IQCE: variants seen among roughly 807,000 people sequenced by gnomAD.
IQCE encodes the protein IQ motif containing E.
IQCE carries 115 observed loss-of-function variants against 96.0 expected under a neutral mutation model. The observed-to-expected ratio is 1.20, with a 90% CI of 1.03 to 1.40. The LOEUF (loss-of-function observed/expected upper bound fraction) is 1.40, where lower values mean the gene tolerates loss of function less well. Among genes scored for constraint, IQCE ranks in the 40% most tolerant of loss-of-function variants. The pLI is 0.00. For missense variants in IQCE, 1,041 were observed against 909.1 expected, an observed-to-expected ratio of 1.15 and a Z score of -1.87; for synonymous variants, 412 against 371.2, an observed-to-expected ratio of 1.11 and a Z score of -1.26.
At chr7:2,602,251 G>A (rs1261368390) in intron 18 of IQCE, among the ~76,000 whole-genome samples, 1 of 152,224 alleles carries the variant, frequency 6.6e-6, no homozygotes, top group Non-Finnish European at 1.5e-5. Context: ...AGTCTGAGAC[G>A]GGGCCAGGGC....
At chr7:2,604,145 G>A (rs962728874) in intron 18 of IQCE, among the ~76,000 whole-genome samples, 9 of 150,898 alleles carry the variant, frequency 6.0e-5, no homozygotes, top group South Asian at 2.1e-4. Context: ...TGCGCGCCAC[G>A]TCTGGCTAAT....
At chr7:2,589,770 A>T (rs1022222826) in intron 13 of IQCE, 137 bp from the exon 14 acceptor site, 8 of 740,540 alleles carry the variant, frequency 1.1e-5, no homozygotes, top group Non-Finnish European at 1.8e-5. Flanking sequence ...TCTCTGGGTA[A>T]CTCGGGTCCC....
intron 6 of IQCE, among the ~76,000 whole-genome samples, chr7:2,576,516 C>T (rs1782135159): frequency 6.6e-6 from 1 of 152,072 alleles, no homozygotes; most frequent in African/African-American, 2.4e-5. Context: ...GTTCAAGCCT[C>T]AGCCTCCCAA....
chr7:2,578,125 G>A, intron 6 of IQCE, 117 bp from the exon 7 acceptor site: 2 of 739,120 alleles, frequency 2.7e-6, no homozygotes, highest in Non-Finnish European at 4.6e-6. Context: ...TGTGCGCGTG[G>A]GGACGTGTGT....
chr7:2,600,508 C>T (rs1167027378), intron 17 of IQCE, among the ~76,000 whole-genome samples: 2 of 152,232 alleles, frequency 1.3e-5, no homozygotes, highest in African/African-American at 4.8e-5. Flanking sequence ...CAGCTGTCTC[C>T]GTCTGAAAAG....
intron 16 of IQCE, chr7:2,596,883 G>A: frequency 2.3e-6 from 1 of 439,648 alleles, no homozygotes; most frequent in South Asian, 1.6e-5. Flanking sequence ...CTGGTGCCAA[G>A]CAACTTGTTG....
At chr7:2,588,736 C>T (rs2128457215) in intron 13 of IQCE, among the ~76,000 whole-genome samples, 1 of 134,238 alleles carries the variant, frequency 7.4e-6, no homozygotes, top group Admixed American at 8.5e-5. Context: ...GTAATCTCGG[C>T]TCACTGCAAC....
intron 15 of IQCE, among the ~76,000 whole-genome samples, chr7:2,594,147 C>A (rs186802833): frequency 6.6e-6 from 1 of 152,282 alleles, no homozygotes; most frequent in East Asian, 1.9e-4. Context: ...GTAATCCCAG[C>A]TACTTGGGAG....
chr7:2,566,628 T>G (rs1583391186), intron 1 of IQCE: 1 of 173,652 alleles, frequency 5.8e-6, no homozygotes, highest in East Asian at 1.6e-4. Context: ...GCCTGGCTTA[T>G]TTTTTAAATT....
chr7:2,596,925 T>A (rs1234598088), intron 16 of IQCE: 3 of 463,816 alleles, frequency 6.5e-6, no homozygotes, highest in African/African-American at 6.0e-5. Context: ...AACAGCTGGC[T>A]GTGTGGATGT....
chr7:2,574,650 G>A lies in IQCE; in HGVS notation c.465+1162G>A, dbSNP rs867213919. Among the ~76,000 whole-genome samples, 5 of 152,324 alleles carry A rather than the reference G, an allele frequency of 3.3e-5. 1 individual carries two copies. In the Middle Eastern group the frequency reaches 0.017, roughly 518 times the overall value. The stretch of plus-strand genomic sequence containing the variant: ...TCGTTTGGGATTTTCTCAGTCTCTT[G>A]AATCTATAGGTTTGTCTTTTGTTAA... On this transcript the variant is annotated intron_variant, in intron 6 of 21. Coordinates refer to ENST00000402050, the MANE Select transcript of IQCE (RefSeq NM_152558.5).
intron 18 of IQCE, among the ~76,000 whole-genome samples, chr7:2,603,028 C>T (rs892387173): frequency 2.0e-5 from 3 of 152,218 alleles, no homozygotes; most frequent in Admixed American, 1.3e-4. Flanking sequence ...GCAGCCCCTC[C>T]GTGCCTGGCC....
intron 16 of IQCE, among the ~76,000 whole-genome samples, chr7:2,595,240 T>C (rs184165751): frequency 6.6e-6 from 1 of 152,308 alleles, no homozygotes; most frequent in Non-Finnish European, 1.5e-5. Context: ...ATCTTGGTCA[T>C]GCGGAGGGTG....
chr7:2,602,006 C>G (rs1289397050), intron 18 of IQCE: 2 of 160,992 alleles, frequency 1.2e-5, no homozygotes, highest in Non-Finnish European at 2.7e-5. Flanking sequence ...TGCACACTCA[C>G]TGATCACCAG....
chr7:2,568,444 C>A (rs1781535854), intron 2 of IQCE, among the ~76,000 whole-genome samples: 1 of 152,126 alleles, frequency 6.6e-6, no homozygotes, highest in African/African-American at 2.4e-5. Context: ...AGATCTGGAC[C>A]CCGTTCTGTG....
At chr7:2,608,774 A>G in intron 21 of IQCE, among the ~76,000 whole-genome samples, 1 of 152,180 alleles carries the variant, frequency 6.6e-6, no homozygotes, top group South Asian at 2.1e-4. Context: ...CATCCCCGTG[A>G]CCCAGGGATT....
At chr7:2,588,011 A>G in intron 13 of IQCE, 134 bp downstream of exon 13, 1 of 822,376 alleles carries the variant, frequency 1.2e-6, no homozygotes, top group Non-Finnish European at 2.1e-6. Flanking sequence ...CACAGACCGC[A>G]AGGAGACTTC....
At chr7:2,604,342 C>G (rs978292279) in intron 18 of IQCE, among the ~76,000 whole-genome samples, 8 of 152,022 alleles carry the variant, frequency 5.3e-5, no homozygotes, top group Non-Finnish European at 7.4e-5. Flanking sequence ...ATTTCCTGGC[C>G]TCAAGTGATC....
At chr7:2,602,578 G>A (rs1007609852) in intron 18 of IQCE, among the ~76,000 whole-genome samples, 3 of 152,192 alleles carry the variant, frequency 2.0e-5, no homozygotes, top group African/African-American at 7.2e-5. Flanking sequence ...CTCAGCACCC[G>A]CTTGTCCTCA....
Sources: allele counts gnomAD v4.1 joint callset (sites outside exome capture counted in the v4.1 genomes callset), GRCh38; gene constraint gnomAD v4.1.1; transcripts MANE v1.5; gene names NCBI Gene and HGNC (gene_info 2026-07-23, HGNC 2026-07-21).